Variants in NRG2 observed in about 807,000 individuals in gnomAD.
NRG2 encodes the protein neuregulin 2, also known as pro-neuregulin-2, membrane-bound isoform.
A neutral mutation model predicts 73.9 loss-of-function variants in NRG2; 27 were observed. That is an observed-to-expected ratio of 0.37 (90% CI 0.27 to 0.50). The LOEUF is 0.50. Among genes scored for constraint, NRG2 ranks in the 20% least tolerant of loss-of-function variants. The probability of loss-of-function intolerance (pLI) is 0.96; values close to 1 mark genes in which losing one functional copy is unlikely to be tolerated. For synonymous variants in NRG2, 532 were observed against 541.0 expected, an observed-to-expected ratio of 0.98 and a Z score of 0.23; for missense variants, 1,126 against 1,210.1, an observed-to-expected ratio of 0.93 and a Z score of 1.03.
chr5:139,885,765 C>T (rs1763823552), intron 2 of NRG2, among the ~76,000 whole-genome samples: 1 of 151,272 alleles, frequency 6.6e-6, no homozygotes, highest in Non-Finnish European at 1.5e-5. Flanking sequence ...GAGTGTGTGG[C>T]ACCAGGTAGG....
chr5:139,871,699 C>A (rs2127073808), intron 4 of NRG2, 22 bp downstream of exon 4: 1 of 1,613,290 alleles, frequency 6.2e-7, no homozygotes, highest in East Asian at 2.2e-5. Context: ...TGCTCCCATG[C>A]CCACCCCTAC....
At chr5:140,039,367 A>G (rs769571480) in intron 1 of NRG2, among the ~76,000 whole-genome samples, 4 of 152,214 alleles carry the variant, frequency 2.6e-5, no homozygotes, top group Non-Finnish European at 4.4e-5. Context: ...GCCTTTCCAC[A>G]GAAGGCACAG....
chr5:139,956,474 G>A (rs540138491), intron 1 of NRG2, among the ~76,000 whole-genome samples: 14 of 152,272 alleles, frequency 9.2e-5, no homozygotes, highest in Admixed American at 7.8e-4. Flanking sequence ...AGGTCCTTGA[G>A]GGAAGGATCA....
chr5:139,864,588 G>A lies in NRG2; in HGVS notation c.1189+961C>T, dbSNP rs547525317. On this transcript the variant is annotated intron_variant, in intron 5 of 9. Coordinates refer to ENST00000361474, the MANE Select transcript of NRG2 (RefSeq NM_004883.3). The stretch of plus-strand genomic sequence containing the variant: ...CCGCCCCCTCTCCCACCATCCTGTA[G>A]CCACATAAATATCTCTGGTATTCAT... 2.0e-5 allele frequency among the ~76,000 whole-genome samples: 3 copies of A among 151,760 alleles called. No homozygotes were observed. The East Asian group carries it at 5.8e-4, about 29-fold the overall frequency.
At chr5:139,910,973 A>G (rs1274215457) in intron 1 of NRG2, among the ~76,000 whole-genome samples, 3 of 152,096 alleles carry the variant, frequency 2.0e-5, no homozygotes, top group Non-Finnish European at 4.4e-5. Context: ...AGAAGAGAGA[A>G]GAAAGCATTG....
chr5:139,957,703 A>C (rs1420464327), intron 1 of NRG2, among the ~76,000 whole-genome samples: 1 of 152,202 alleles, frequency 6.6e-6, no homozygotes, highest in Non-Finnish European at 1.5e-5. Flanking sequence ...TGCAGGTATC[A>C]GATCGAGGAA....
At position 139,973,503 on chromosome 5, in the gene NRG2, A is replaced by G. The variant is rs1219279876; in HGVS notation, c.700+68867T>C. ...CAGCCTCCCAAGTAGCCGGGACTAC[A>G]GGCATGTGCCTACACCCCTGGCTAA... On this transcript the variant is annotated intron_variant, in intron 1 of 9. Coordinates refer to ENST00000361474, the MANE Select transcript of NRG2 (RefSeq NM_004883.3). Among the ~76,000 whole-genome samples the G allele has an allele frequency of 2.0e-5, 3 of 152,290 alleles. No individual in the cohort carries two copies. The East Asian group carries it at 5.8e-4, about 29-fold the overall frequency.
intron 4 of NRG2, 69 bp downstream of exon 4, chr5:139,871,652 C>G: frequency 6.3e-7 from 1 of 1,587,720 alleles, no homozygotes; most frequent in Non-Finnish European, 8.6e-7. Context: ...TTTCCTAGAG[C>G]CCTCCACTTC....
intron 1 of NRG2, among the ~76,000 whole-genome samples, chr5:140,036,004 T>C (rs183209891): frequency 1.3e-5 from 2 of 152,112 alleles, no homozygotes; most frequent in African/African-American, 4.8e-5. Flanking sequence ...GTAAATGAAA[T>C]GTTAACCACC....
chr5:139,992,719 G>A (rs574528734), intron 1 of NRG2, among the ~76,000 whole-genome samples: 2 of 152,226 alleles, frequency 1.3e-5, no homozygotes, highest in Admixed American at 6.5e-5. Context: ...ATTATTCTAA[G>A]CCAAACACCT....
chr5:139,984,218 T>C (rs1017212292), intron 1 of NRG2, among the ~76,000 whole-genome samples: 2 of 152,182 alleles, frequency 1.3e-5, no homozygotes, highest in Non-Finnish European at 2.9e-5. Context: ...GCATTATTTA[T>C]AATATATGAA....
At position 139,865,323 on chromosome 5, in the gene NRG2, A is replaced by G; in HGVS notation, c.1189+226T>C. On this transcript the variant is annotated intron_variant, in intron 5 of 9. Coordinates refer to ENST00000361474, the MANE Select transcript of NRG2 (RefSeq NM_004883.3). This position sits in a 1 kb window ranked among gnomAD's most constrained non-coding sequence, Gnocchi z 5.2. ...CCTTGCCACTCTGCCCCTTACCTGC[A>G]GCCCTGAACTTTAAACCCAAGGATT... 2.6e-6 allele frequency: 2 copies of G among 761,508 alleles called. No individual in the cohort carries two copies. Among genetic ancestry groups the G allele is most frequent in the Non-Finnish European group, 4.6e-6 (2 of 436,370 alleles). 47.2% of individuals were successfully genotyped at this position (761,508 alleles called of 1,614,324 possible).
In NRG2 at chr5:139,853,123, G is replaced by C. The variant is rs1183163359; in HGVS notation, c.1293-96C>G. On this transcript the variant is annotated intron_variant, in intron 6 of 9. Transcript: ENST00000361474. The surrounding 1 kb of genome is among the most constrained non-coding windows in gnomAD (Gnocchi z 4.1). Reference sequence around the variant, plus strand: ...CTCTAGGGAAACAGCTTTTCCTCCTGCCCAGGGTGGCCATGGCTACTGCTC... The same window carrying C: ...CTCTAGGGAAACAGCTTTTCCTCCTCCCCAGGGTGGCCATGGCTACTGCTC... 6 of 1,539,210 alleles carry C rather than the reference G, an allele frequency of 3.9e-6. No individual in the cohort carries two copies. The African/African-American group carries it at 8.3e-5, about 21-fold the overall frequency.
intron 4 of NRG2, among the ~76,000 whole-genome samples, chr5:139,871,419 T>G (rs1004506395): frequency 5.3e-5 from 8 of 152,024 alleles, no homozygotes; most frequent in Non-Finnish European, 8.8e-5. Context: ...CAGTGCCCAG[T>G]GCCTAGGGCA....
chr5:139,877,441 C>T (rs577465919), intron 3 of NRG2, among the ~76,000 whole-genome samples: 9 of 152,364 alleles, frequency 5.9e-5, no homozygotes, highest in Admixed American at 3.3e-4. Flanking sequence ...GGTTTCCCTT[C>T]GGCCTGGGCG....
At chr5:139,956,893 A>G (rs988674701) in intron 1 of NRG2, among the ~76,000 whole-genome samples, 1 of 152,254 alleles carries the variant, frequency 6.6e-6, no homozygotes, top group Non-Finnish European at 1.5e-5. Flanking sequence ...GCCCAAGGAC[A>G]CAAAGCTGAA....
intron 1 of NRG2, among the ~76,000 whole-genome samples, chr5:140,004,018 T>C (rs1758698983): frequency 6.6e-6 from 1 of 152,214 alleles, no homozygotes; most frequent in South Asian, 2.1e-4. Context: ...TAATTTTCTA[T>C]GTTTGATAAT....
chr5:139,883,077 A>G (rs535026723), intron 2 of NRG2, among the ~76,000 whole-genome samples: 1 of 152,014 alleles, frequency 6.6e-6, no homozygotes, highest in South Asian at 2.1e-4. Context: ...CAGGAACTGG[A>G]GTCACCACCT....
chr5:139,881,557 G>A (rs534684522), intron 2 of NRG2, among the ~76,000 whole-genome samples: 1 of 152,300 alleles, frequency 6.6e-6, no homozygotes, highest in South Asian at 2.1e-4. Flanking sequence ...TTCAACAAAT[G>A]TTTACTGAGC....
Sources: allele counts gnomAD v4.1 joint callset (sites outside exome capture counted in the v4.1 genomes callset), GRCh38; gene constraint gnomAD v4.1.1; non-coding constraint Gnocchi (gnomAD v3.1); transcripts MANE v1.5; gene names NCBI Gene and HGNC (gene_info 2026-07-23, HGNC 2026-07-21).